FMN2: variants seen among roughly 807,000 people sequenced by gnomAD.
The protein encoded by FMN2 is formin 2, also known as formin-2.
A neutral mutation model predicts 142.3 loss-of-function variants in FMN2; 51 were observed. That is an observed-to-expected ratio of 0.36 (90% CI 0.29 to 0.45). FMN2 has a LOEUF of 0.45. FMN2 is among the 20% of genes least tolerant of loss of function. The pLI, the probability that FMN2 is intolerant of heterozygous loss-of-function variation, is 1.00. For missense variants in FMN2, 1,936 were observed against 2,122.8 expected (o/e 0.91, Z 1.73); for synonymous variants, 882 against 869.8 (o/e 1.01, Z -0.25).
intron 2 of FMN2, among the ~76,000 whole-genome samples, chr1:240,150,821 T>C (rs1470194275): frequency 6.6e-6 from 1 of 152,208 alleles, no homozygotes; most frequent in Non-Finnish European, 1.5e-5. Flanking sequence ...TGATAAACTC[T>C]GAAATGCCTG....
chr1:240,460,621 A>C (rs1160659919), intron 16 of FMN2, among the ~76,000 whole-genome samples: 1 of 152,056 alleles, frequency 6.6e-6, no homozygotes, highest in African/African-American at 2.4e-5. Flanking sequence ...ATAGAAACAT[A>C]AATAAATAAA....
At chr1:240,194,347 A>G (rs1054556501) in intron 4 of FMN2, among the ~76,000 whole-genome samples, 1 of 152,202 alleles carries the variant, frequency 6.6e-6, no homozygotes, top group African/African-American at 2.4e-5. Flanking sequence ...ACTGTCAAAG[A>G]TGAACAAAGT....
intron 1 of FMN2, among the ~76,000 whole-genome samples, chr1:240,113,007 C>T (rs1364429177): frequency 1.3e-5 from 2 of 152,164 alleles, no homozygotes; most frequent in Admixed American, 6.5e-5. Flanking sequence ...AATAAATAAA[C>T]GTAAGCAAAT....
chr1:240,156,406 T>G (rs1307447035), intron 2 of FMN2, among the ~76,000 whole-genome samples: 1 of 152,234 alleles, frequency 6.6e-6, no homozygotes, highest in Non-Finnish European at 1.5e-5. Flanking sequence ...ATTTATTGAT[T>G]GCCTTCTCTT....
intron 13 of FMN2, among the ~76,000 whole-genome samples, chr1:240,355,417 A>G (rs1672231220): frequency 6.6e-6 from 1 of 152,120 alleles, no homozygotes; most frequent in Non-Finnish European, 1.5e-5. Flanking sequence ...AAATAGTTAC[A>G]TATTGCTTTA....
At chr1:240,263,970 A>G (rs1259129583) in intron 7 of FMN2, among the ~76,000 whole-genome samples, 2 of 152,178 alleles carry the variant, frequency 1.3e-5, no homozygotes, top group African/African-American at 2.4e-5. Context: ...TATATCTTAA[A>G]ATTTAATGAG....
At chr1:240,209,319 C>T (rs1289605178) in intron 5 of FMN2, among the ~76,000 whole-genome samples, 5 of 151,126 alleles carry the variant, frequency 3.3e-5, no homozygotes, top group South Asian at 2.1e-4. Flanking sequence ...GGTGCAGCCT[C>T]GGCCCACTGC....
At chr1:240,256,418 G>A (rs1668451294) in intron 6 of FMN2, among the ~76,000 whole-genome samples, 1 of 151,900 alleles carries the variant, frequency 6.6e-6, no homozygotes, top group African/African-American at 2.4e-5. Context: ...GGGAGATATC[G>A]TGCCTTACCA....
chr1:240,453,075 T>A (rs1235150691), intron 16 of FMN2, among the ~76,000 whole-genome samples: 1 of 152,198 alleles, frequency 6.6e-6, no homozygotes, highest in Non-Finnish European at 1.5e-5. Flanking sequence ...AAAATGAAGG[T>A]ACTATACGCA....
intron 13 of FMN2, among the ~76,000 whole-genome samples, chr1:240,347,804 G>C (rs898333015): frequency 1.3e-5 from 2 of 152,096 alleles, no homozygotes; most frequent in Non-Finnish European, 2.9e-5. Flanking sequence ...TTGGTTTTCT[G>C]TTTCTGCATT....
intron 6 of FMN2, among the ~76,000 whole-genome samples, chr1:240,228,369 A>C (rs1261153489): frequency 2.0e-5 from 3 of 151,002 alleles, no homozygotes; most frequent in Non-Finnish European, 4.4e-5. Context: ...AAAAATGGGC[A>C]AAAGGTTTCA....
At chr1:240,128,537 GGA>G (rs1662603218) in intron 2 of FMN2, among the ~76,000 whole-genome samples, 2 of 152,134 alleles carry the variant, frequency 1.3e-5, no homozygotes, top group Admixed American at 1.3e-4. Flanking sequence ...TTTGGTTGCT[GGA>G]CTTGTTTGGG....
chr1:240,313,092 C>T (rs887328468), intron 8 of FMN2, among the ~76,000 whole-genome samples: 2 of 152,182 alleles, frequency 1.3e-5, no homozygotes, highest in Non-Finnish European at 2.9e-5. Context: ...GCAACATTTG[C>T]TTTTTAGATG....
chr1:240,096,928 C>T (rs1343878278), intron 1 of FMN2, among the ~76,000 whole-genome samples: 1 of 152,148 alleles, frequency 6.6e-6, no homozygotes, highest in Non-Finnish European at 1.5e-5. Context: ...TTAAGTATTT[C>T]ATAATTAATG....
intron 2 of FMN2, among the ~76,000 whole-genome samples, chr1:240,164,467 A>G (rs1664399424): frequency 6.6e-6 from 1 of 151,934 alleles, no homozygotes; most frequent in Non-Finnish European, 1.5e-5. Flanking sequence ...ATCTTCAGGA[A>G]TCTGTTTGGG....
At chr1:240,442,308 A>G (rs1305517064) in intron 16 of FMN2, among the ~76,000 whole-genome samples, 1 of 152,188 alleles carries the variant, frequency 6.6e-6, no homozygotes, top group Non-Finnish European at 1.5e-5. Flanking sequence ...CAAAAATACC[A>G]GGGAGGAACT....
intron 2 of FMN2, chr1:240,145,223 T>C: frequency 6.9e-7 from 1 of 1,447,848 alleles, no homozygotes; most frequent in South Asian, 1.2e-5. Flanking sequence ...ATCTTGAAGC[T>C]GTTTATCTTC....
chr1:240,405,738 AAATT>A (rs1467525978), intron 15 of FMN2, among the ~76,000 whole-genome samples: 1 of 152,242 alleles, frequency 6.6e-6, no homozygotes, highest in African/African-American at 2.4e-5. Context: ...ATAGTTAAAT[AAATT>A]GAGTCTACAA....
chr1:240,361,174 T>TAA (rs1431653725), intron 14 of FMN2, among the ~76,000 whole-genome samples: 4 of 93,324 alleles, frequency 4.3e-5, no homozygotes, highest in Non-Finnish European at 9.1e-5. Flanking sequence ...TATATATATA[T>TAA]ATATATATAT....
Sources: allele counts gnomAD v4.1 joint callset (sites outside exome capture counted in the v4.1 genomes callset), GRCh38; gene constraint gnomAD v4.1.1; transcripts MANE v1.5; gene names NCBI Gene and HGNC (gene_info 2026-07-23, HGNC 2026-07-21).